The following FOSL1 variants were observed in gnomAD, a reference collection of about 807,000 sequenced individuals.
FOSL1 encodes fos-related antigen 1.
In FOSL1, 14 loss-of-function variants were observed where a neutral mutation model predicts 24.9. The observed-to-expected ratio is 0.56, with a 90% CI of 0.37 to 0.88. FOSL1 has a LOEUF of 0.88. Among genes scored for constraint, FOSL1 ranks in the 40% least tolerant of loss-of-function variants. The probability of loss-of-function intolerance (pLI) is 0.00; values close to 1 mark genes in which losing one functional copy is unlikely to be tolerated. For synonymous variants in FOSL1, 133 were observed against 145.1 expected (o/e 0.92, Z 0.60); for missense variants, 318 against 359.8 (o/e 0.88, Z 0.94).
At chr11:65,893,384 G>T in intron 3 of FOSL1, 88 bp from the exon 4 acceptor site, 1 of 1,094,176 alleles carries the variant, frequency 9.1e-7, no homozygotes, top group African/African-American at 1.6e-5. Context: ...TGAGGAGCTG[G>T]GGTTGGGCGG....
chr11:65,898,148 C>T lies in FOSL1; in HGVS notation c.100-1142G>A, dbSNP rs190453047. Among the ~76,000 whole-genome samples, 976 of 142,520 alleles carry T rather than the reference C, an allele frequency of 6.8e-3. 12 individuals are homozygous for T. The highest frequency in any genetic ancestry group is 0.024 in the African/African-American group (926 of 39,204). The allele number at this position is 142,520 out of a possible 152,430, so 93.5% of individuals were successfully genotyped here. A position where few individuals can be genotyped will look rare whatever the true frequency, so the allele number is the denominator to read the frequency against. ...CTCCACCTCCTGGATTCAAGCAATTCTCCTGCCTCAGCCTCCCGAGTAGCT... is the reference window on the plus strand; with the variant it reads ...CTCCACCTCCTGGATTCAAGCAATTTTCCTGCCTCAGCCTCCCGAGTAGCT... On this transcript the variant is annotated intron_variant, in intron 1 of 3. Coordinates refer to ENST00000312562, the MANE Select transcript of FOSL1 (RefSeq NM_005438.5).
In FOSL1 at chr11:65,893,996, A is replaced by C. The variant is rs1860460343; in HGVS notation, c.405+18T>G. 1 of 1,541,766 alleles carries C rather than the reference A, an allele frequency of 6.5e-7. No homozygotes were observed. The highest frequency in any genetic ancestry group is 1.9e-5 in the Admixed American group (1 of 52,540). On this transcript the variant is annotated intron_variant, in intron 3 of 3. Transcript: ENST00000312562. ...GACAGGGTCCCTCTGAGCTCGGTGG[A>C]CCAGGGCTGGTGCTCACCGCCTGCA...
chr11:65,893,749 G>A (rs1860454527), intron 3 of FOSL1, among the ~76,000 whole-genome samples: 1 of 151,974 alleles, frequency 6.6e-6, no homozygotes, highest in South Asian at 2.1e-4. Flanking sequence ...CATGAGCCGA[G>A]ATCTCATCAC....
intron 1 of FOSL1, among the ~76,000 whole-genome samples, chr11:65,897,785 A>G (rs634534): frequency 0.42 from 63,433 of 151,992 alleles, 15,627 homozygotes; most frequent in Middle Eastern, 0.61. Flanking sequence ...TGTGAGAATC[A>G]GGTGAGAGAA....
intron 2 of FOSL1, among the ~76,000 whole-genome samples, chr11:65,896,500 G>A (rs577994281): frequency 8.6e-5 from 13 of 152,012 alleles, no homozygotes; most frequent in South Asian, 6.2e-4. Flanking sequence ...TCTTGCCTCC[G>A]CCTCCATCCT....
intron 3 of FOSL1, 72 bp downstream of exon 3, chr11:65,893,942 C>T: frequency 3.9e-6 from 4 of 1,021,098 alleles, no homozygotes; most frequent in Admixed American, 4.0e-5. Context: ...GAGGGGGCTA[C>T]ATATACTGGG....
chr11:65,893,923 G>T lies in FOSL1; in HGVS notation c.405+91C>A. On this transcript the variant is annotated intron_variant, in intron 3 of 3. Coordinates refer to ENST00000312562, the MANE Select transcript of FOSL1 (RefSeq NM_005438.5). Reference sequence around the variant, plus strand: ...GACTGCCCCTCAGACAAGGAGCTAGGATGGTGAGGAGGGGGCTACATATAC... The same window carrying T: ...GACTGCCCCTCAGACAAGGAGCTAGTATGGTGAGGAGGGGGCTACATATAC... 5 of 831,430 alleles carry T rather than the reference G, an allele frequency of 6.0e-6. No individual in the cohort carries two copies. The South Asian group carries it at 7.2e-5, about 12-fold the overall frequency. The allele number at this position is 831,430 out of a possible 1,614,324, so 51.5% of individuals were successfully genotyped here. A position where few individuals can be genotyped will look rare whatever the true frequency, so the allele number is the denominator to read the frequency against.
At chr11:65,895,442 G>C (rs558060967) in intron 2 of FOSL1, among the ~76,000 whole-genome samples, 130 of 152,128 alleles carry the variant, frequency 8.5e-4, no homozygotes, top group African/African-American at 3.1e-3. Context: ...GATTCTTAAC[G>C]CAACTTTCCA....
At position 65,896,825 on chromosome 11, in the gene FOSL1, C is replaced by T. The variant is rs779143676; in HGVS notation, c.281G>A (p.Arg94Gln). 1.3e-5 allele frequency: 21 copies of T among 1,609,382 alleles called. No individual in the cohort carries two copies. Among genetic ancestry groups the T allele is most frequent in the African/African-American group, 2.7e-5 (2 of 74,698 alleles). Residue 94 changes from arginine to glutamine, a missense_variant, in exon 2 of 4, where the codon CGA becomes CAA. Physicochemically the swap from Arg to Gln is conservative, Grantham distance 43. Coordinates refer to ENST00000312562, the MANE Select transcript of FOSL1 (RefSeq NM_005438.5). ...RALGPPPGVRRRPCEQISPEE... is the reference protein window; with the variant it reads ...RALGPPPGVRQRPCEQISPEE... ...GTGCCTTACCTGTTCACAAGGCCTTCGACGTACCCCTGGAGGCGGCCCCAG... is the reference window on the plus strand; with the variant it reads ...GTGCCTTACCTGTTCACAAGGCCTTTGACGTACCCCTGGAGGCGGCCCCAG...
At chr11:65,900,399 T>C (rs569036060), upstream of FOSL1, 1 of 954,800 alleles carries the variant, frequency 1.0e-6, no homozygotes, top group Non-Finnish European at 1.4e-6. Flanking sequence ...ACCCGCGCCG[T>C]GCGGAGTCTT....
chr11:65,900,147 G>A, intron 1 of FOSL1, 94 bp downstream of exon 1: 1 of 602,896 alleles, frequency 1.7e-6, no homozygotes, highest in South Asian at 8.5e-5. Context: ...CCCCGACTCC[G>A]GTTCCCCGCT....
Position 65,893,177 on chromosome 11 carries a change from C to T in FOSL1, c.525G>A (p.Pro175=), listed in dbSNP as rs114787843. The T allele has an allele frequency of 5.0e-3, 8,048 of 1,613,826 alleles. 324 individuals are homozygous for T. The African/African-American group carries it at 0.091, about 18-fold the overall frequency. Residue 175 remains proline (P), a synonymous_variant, in exon 4 of 4, where the codon CCG becomes CCA. Transcript: ENST00000312562. ...LEAHRPICKI[P]EGAKEGDTGS... ...CTGTGTCCCCCTCCTTGGCTCCTTCCGGGATTTTGCAGATGGGTCGGTGGG... is the reference window on the plus strand; with the variant it reads ...CTGTGTCCCCCTCCTTGGCTCCTTCTGGGATTTTGCAGATGGGTCGGTGGG...
At chr11:65,900,461 G>A, upstream of FOSL1, 1 of 497,404 alleles carries the variant, frequency 2.0e-6, no homozygotes, top group East Asian at 3.6e-5. Context: ...ACCGCGGGGG[G>A]TGGGGGCGTT....
intron 1 of FOSL1, among the ~76,000 whole-genome samples, chr11:65,899,281 C>G (rs560125985): frequency 6.6e-6 from 1 of 152,200 alleles, no homozygotes; most frequent in African/African-American, 2.4e-5. Context: ...GCGCTGCGGG[C>G]CCGGCGTCCC....
intron 1 of FOSL1, among the ~76,000 whole-genome samples, chr11:65,899,349 G>C (rs1264419345): frequency 6.6e-6 from 1 of 152,212 alleles, no homozygotes; most frequent in African/African-American, 2.4e-5. Flanking sequence ...TCCCGGGCCC[G>C]GGCCGCTCCA....
intron 1 of FOSL1, among the ~76,000 whole-genome samples, chr11:65,897,651 T>C (rs1486012419): frequency 6.6e-6 from 1 of 152,086 alleles, no homozygotes; most frequent in African/African-American, 2.4e-5. Flanking sequence ...AGTATCTTCA[T>C]TTTCAGACGG....
At chr11:65,895,780 G>T (rs1374786405) in intron 2 of FOSL1, among the ~76,000 whole-genome samples, 1 of 152,088 alleles carries the variant, frequency 6.6e-6, no homozygotes, top group African/African-American at 2.4e-5. Context: ...ACCTTTCCCA[G>T]GGCCCTAACC....
rs1207584429 is a variant in FOSL1 at position 65,892,625 on chromosome 11, C to G, written c.*261G>C. On this transcript the variant is annotated 3_prime_UTR_variant, in exon 4 of 4. Transcript: ENST00000312562. Reference sequence around the variant, plus strand: ...CAAAGTCTCTGGGCTGCCAGGATTCCTCTGGCACAAATGGGAAATATTTTG... The same window carrying G: ...CAAAGTCTCTGGGCTGCCAGGATTCGTCTGGCACAAATGGGAAATATTTTG... 2.9e-5 allele frequency: 19 copies of G among 660,530 alleles called. No individual in the cohort carries two copies. The highest frequency in any genetic ancestry group is 5.0e-5 in the Non-Finnish European group (18 of 357,798). 40.9% of individuals were successfully genotyped at this position (660,530 alleles called of 1,614,324 possible). A position where few individuals can be genotyped will look rare whatever the true frequency, so the allele number is the denominator to read the frequency against.
chr11:65,899,898 C>G (rs976248309), intron 1 of FOSL1, among the ~76,000 whole-genome samples: 1 of 152,212 alleles, frequency 6.6e-6, no homozygotes, highest in Non-Finnish European at 1.5e-5. Flanking sequence ...ACCCTCCTAG[C>G]CTTCGAGGCG....
Sources: gnomAD v4.1 joint callset for allele counts (sites outside exome capture counted in the v4.1 genomes callset) on GRCh38, gnomAD v4.1.1 for gene constraint, MANE v1.5 for transcripts, NCBI Gene and HGNC (gene_info 2026-07-23, HGNC 2026-07-21) for gene names.